The following KIAA1217 variants were observed in gnomAD, a reference collection of about 807,000 sequenced individuals.
KIAA1217 encodes sickle tail protein homolog.
In KIAA1217, 88 loss-of-function variants were observed where a neutral mutation model predicts 163.9. That is an observed-to-expected ratio of 0.54 (90% CI 0.45 to 0.64). The LOEUF is 0.64. KIAA1217 is among the 30% of genes least tolerant of loss of function. The pLI is 0.00. For synonymous variants in KIAA1217, 903 were observed against 923.1 expected, an observed-to-expected ratio of 0.98 and a Z score of 0.39; for missense variants, 2,372 against 2,475.0, an observed-to-expected ratio of 0.96 and a Z score of 0.88.
At chr10:23,791,601 T>C (rs966439471) in intron 1 of KIAA1217, among the ~76,000 whole-genome samples, 1 of 152,232 alleles carries the variant, frequency 6.6e-6, no homozygotes, top group Non-Finnish European at 1.5e-5. Context: ...TGCTTTATAG[T>C]TTAAGTACCG....
At chr10:23,967,274 T>C (rs1845101259) in intron 1 of KIAA1217, among the ~76,000 whole-genome samples, 1 of 151,996 alleles carries the variant, frequency 6.6e-6, no homozygotes, top group Non-Finnish European at 1.5e-5. Context: ...AAAACAACTA[T>C]AAACAAACCT....
At chr10:24,424,899 C>A (rs1278424610) in intron 3 of KIAA1217, among the ~76,000 whole-genome samples, 2 of 152,180 alleles carry the variant, frequency 1.3e-5, no homozygotes, top group Non-Finnish European at 2.9e-5. Flanking sequence ...CCGCGCCCGG[C>A]CTCTTTTTAG....
chr10:24,224,811 T>A (rs2070234320), intron 2 of KIAA1217, among the ~76,000 whole-genome samples: 1 of 150,976 alleles, frequency 6.6e-6, no homozygotes, highest in African/African-American at 2.4e-5. Flanking sequence ...AATTAGTACT[T>A]AAAATCATTT....
chr10:23,847,784 C>T lies in KIAA1217; in HGVS notation c.-321+152550C>T, dbSNP rs59042978. ...TTTTTGAATTTGTTTGCTCTTGCTTCTCTAGTTCTTTCAATTGTGATGTTA... is the reference window on the plus strand; with the variant it reads ...TTTTTGAATTTGTTTGCTCTTGCTTTTCTAGTTCTTTCAATTGTGATGTTA... On this transcript the variant is annotated intron_variant, in intron 1 of 18. Coordinates refer to the KIAA1217 transcript ENST00000376462. 4.7e-3 allele frequency among the ~76,000 whole-genome samples: 719 copies of T among 152,070 alleles called. 4 individuals carry two copies. The highest frequency in any genetic ancestry group is 0.016 in the African/African-American group (676 of 41,482).
At chr10:24,221,453 C>G (rs930336465) in intron 2 of KIAA1217, among the ~76,000 whole-genome samples, 4 of 152,098 alleles carry the variant, frequency 2.6e-5, no homozygotes, top group African/African-American at 7.2e-5. Flanking sequence ...CAGTTAGGTG[C>G]AAAAATTATG....
intron 1 of KIAA1217, among the ~76,000 whole-genome samples, chr10:23,817,702 A>G (rs557311310): frequency 3.1e-4 from 47 of 152,160 alleles, no homozygotes; most frequent in South Asian, 1.9e-3. Flanking sequence ...AAACATTTCA[A>G]TGACTTTGGT....
intron 1 of KIAA1217, among the ~76,000 whole-genome samples, chr10:23,966,376 G>T (rs752293082): frequency 2.1e-4 from 32 of 152,126 alleles, no homozygotes; most frequent in Non-Finnish European, 4.6e-4. Flanking sequence ...AGCACTGTTT[G>T]GAGAAAGTTT....
intron 1 of KIAA1217, among the ~76,000 whole-genome samples, chr10:23,741,109 G>A (rs1839088273): frequency 6.6e-6 from 1 of 152,174 alleles, no homozygotes; most frequent in African/African-American, 2.4e-5. Flanking sequence ...TTCCTGGGAT[G>A]AATTTAAGGC....
chr10:24,105,620 C>A (rs1440259279), intron 2 of KIAA1217, among the ~76,000 whole-genome samples: 1 of 152,220 alleles, frequency 6.6e-6, no homozygotes, highest in Non-Finnish European at 1.5e-5. Flanking sequence ...TGCAGTTCTG[C>A]TGTCTCCCTT....
At chr10:23,725,719 A>G (rs1394487692) in intron 1 of KIAA1217, among the ~76,000 whole-genome samples, 2 of 152,240 alleles carry the variant, frequency 1.3e-5, no homozygotes, top group African/African-American at 4.8e-5. Flanking sequence ...GCTTACATGC[A>G]TGGCTTGTTT....
intron 1 of KIAA1217, among the ~76,000 whole-genome samples, chr10:23,893,776 A>G (rs1221036885): frequency 6.6e-6 from 1 of 152,120 alleles, no homozygotes; most frequent in Non-Finnish European, 1.5e-5. Flanking sequence ...CAGCACATCA[A>G]AAAGCTTATC....
intron 1 of KIAA1217, among the ~76,000 whole-genome samples, chr10:23,998,822 C>T (rs893253123): frequency 6.6e-6 from 1 of 152,114 alleles, no homozygotes; most frequent in African/African-American, 2.4e-5. Flanking sequence ...AAGCATGGTT[C>T]GTATTGAGCA....
intron 2 of KIAA1217, among the ~76,000 whole-genome samples, chr10:24,351,301 C>G (rs2048430497): frequency 6.6e-6 from 1 of 152,166 alleles, no homozygotes. Context: ...TCCAAAATTT[C>G]TATCTGGTTT....
chr10:24,166,858 A>G (rs927362279), intron 2 of KIAA1217, among the ~76,000 whole-genome samples: 25 of 145,890 alleles, frequency 1.7e-4, no homozygotes, highest in Non-Finnish European at 4.6e-5. Flanking sequence ...GTATCAGATT[A>G]TGTGCTATAA....
At chr10:23,891,063 T>A (rs1841396710) in intron 1 of KIAA1217, among the ~76,000 whole-genome samples, 1 of 151,962 alleles carries the variant, frequency 6.6e-6, no homozygotes, top group Admixed American at 6.6e-5. Flanking sequence ...ATCTTTCTTA[T>A]CCGGACTGTT....
intron 1 of KIAA1217, among the ~76,000 whole-genome samples, chr10:23,775,858 A>G (rs1473555293): frequency 1.3e-5 from 2 of 152,134 alleles, no homozygotes; most frequent in East Asian, 3.9e-4. Flanking sequence ...TTTTTTTCCC[A>G]CTGGTCAGTG....
At chr10:23,798,422 A>T (rs1369704537) in intron 1 of KIAA1217, among the ~76,000 whole-genome samples, 1 of 152,204 alleles carries the variant, frequency 6.6e-6, no homozygotes, top group African/African-American at 2.4e-5. Context: ...TCTACCCATC[A>T]TCTTCAGCAT....
chr10:23,717,929 C>A (rs1005288215), intron 1 of KIAA1217, among the ~76,000 whole-genome samples: 1 of 152,156 alleles, frequency 6.6e-6, no homozygotes, highest in Non-Finnish European at 1.5e-5. Flanking sequence ...ATACACACAT[C>A]CCTTTAAAAT....
At chr10:24,347,949 G>A (rs1020450267) in intron 2 of KIAA1217, among the ~76,000 whole-genome samples, 2 of 152,198 alleles carry the variant, frequency 1.3e-5, no homozygotes, top group African/African-American at 4.8e-5. Context: ...TTAATGGAAT[G>A]CGTGTCATTC....
Sources: allele counts gnomAD v4.1 joint callset (sites outside exome capture counted in the v4.1 genomes callset), GRCh38; gene constraint gnomAD v4.1.1; transcripts MANE v1.5; gene names NCBI Gene and HGNC (gene_info 2026-07-23, HGNC 2026-07-21).